PARG: variants seen among roughly 807,000 people sequenced by gnomAD.
PARG encodes mitochondrial poly(ADP-ribose) glycohydrolase.
PARG carries 35 observed loss-of-function variants against 113.0 expected under a neutral mutation model. The ratio of observed to expected loss-of-function variants is 0.31; its 90% CI spans 0.24 to 0.41. The LOEUF is 0.41. PARG is among the 10% of genes least tolerant of loss of function. The pLI is 1.00. For missense variants in PARG, 797 were observed against 1,169.4 expected (o/e 0.68, Z 4.64); for synonymous variants, 330 against 409.9 (o/e 0.81, Z 2.36).
chr10:49,849,473 A>C (rs1239488309), intron 13 of PARG, among the ~76,000 whole-genome samples: 2 of 151,498 alleles, frequency 1.3e-5, no homozygotes, highest in Admixed American at 6.6e-5. Context: ...ATGAAAAGAC[A>C]TGCTAGAAAT....
At chr10:49,912,436 G>A (rs539656884) in intron 7 of PARG, among the ~76,000 whole-genome samples, 234 of 152,166 alleles carry the variant, frequency 1.5e-3, no homozygotes, top group Non-Finnish European at 3.1e-3. Context: ...AGGCCGAGGC[G>A]GGCAGATCAC....
rs1207470554 is a variant in PARG at position 49,933,881 on chromosome 10, C to T, written c.567G>A (p.Arg189=). The T allele has an allele frequency of 6.9e-6, 11 of 1,597,652 alleles. No homozygotes were observed. Among genetic ancestry groups the T allele is most frequent in the South Asian group, 1.1e-5 (1 of 90,758 alleles). The stretch of plus-strand genomic sequence containing the variant: ...CACTGTGATCATCATTTTGAGGTGA[C>T]CGATCAATGTTAGCATTACTAAACT... The part of the protein sequence containing the change: ...PEQFSNANID[R]SPQNDDHSDT... The change falls in exon 3 of 18, where the codon CGG becomes CGA. Residue 189 remains arginine (R), a synonymous_variant. Transcript: ENST00000616448.
intron 7 of PARG, among the ~76,000 whole-genome samples, chr10:49,889,123 T>C (rs1356291849): frequency 1.3e-5 from 2 of 151,672 alleles, no homozygotes; most frequent in Non-Finnish European, 2.9e-5. Flanking sequence ...TGTTTATAAT[T>C]GCTCAGCCTT....
At chr10:49,827,006 C>A (rs1414550481) in intron 16 of PARG, among the ~76,000 whole-genome samples, 1 of 152,200 alleles carries the variant, frequency 6.6e-6, no homozygotes. Flanking sequence ...CAACTCTACC[C>A]TGCTTTTCTC....
intron 6 of PARG, among the ~76,000 whole-genome samples, chr10:49,920,535 T>C (rs1455569373): frequency 2.8e-5 from 4 of 141,678 alleles, no homozygotes; most frequent in African/African-American, 5.2e-5. Flanking sequence ...TACATGTATA[T>C]ATATACACAT....
chr10:49,935,590 T>G (rs1284199921), intron 1 of PARG, among the ~76,000 whole-genome samples: 2 of 152,208 alleles, frequency 1.3e-5, no homozygotes, highest in Non-Finnish European at 2.9e-5. Flanking sequence ...GATTCTTAAT[T>G]ATCATGATTA....
rs188178905 is a variant in PARG, at chr10:49,915,910, C to T, written c.1737+7G>A. On this transcript the variant is annotated splice_region_variant and intron_variant, in intron 7 of 17. Coordinates refer to ENST00000616448, the MANE Select transcript of PARG (RefSeq NM_003631.5). ...ATATTTTCATAAAGAAATAAGGATACTTTTACCTTATCCCAGAAATCGATC... is the reference window on the plus strand; with the variant it reads ...ATATTTTCATAAAGAAATAAGGATATTTTTACCTTATCCCAGAAATCGATC... 2.8e-6 allele frequency: 4 copies of T among 1,429,128 alleles called. No homozygotes were observed. Among genetic ancestry groups the T allele is most frequent in the African/African-American group, 1.4e-5 (1 of 70,750 alleles). The allele number at this position is 1,429,128 out of a possible 1,614,324, so 88.5% of individuals were successfully genotyped here.
At chr10:49,890,045 G>A (rs1467122445) in intron 7 of PARG, among the ~76,000 whole-genome samples, 13 of 152,176 alleles carry the variant, frequency 8.5e-5, no homozygotes, top group Admixed American at 4.6e-4. Flanking sequence ...TTAACTTCAC[G>A]AAAAGCAAGA....
At chr10:49,907,094 C>T (rs1836885891) in intron 7 of PARG, among the ~76,000 whole-genome samples, 1 of 152,132 alleles carries the variant, frequency 6.6e-6, no homozygotes, top group Non-Finnish European at 1.5e-5. Flanking sequence ...GACTTCAATA[C>T]ATATCACTTT....
At chr10:49,886,925 TCTA>T (rs1847520378) in intron 7 of PARG, among the ~76,000 whole-genome samples, 1 of 152,214 alleles carries the variant, frequency 6.6e-6, no homozygotes, top group African/African-American at 2.4e-5. Context: ...TAGATGACAT[TCTA>T]CTATTTTACA....
At chr10:49,924,838 C>T (rs1838070864) in intron 4 of PARG, among the ~76,000 whole-genome samples, 1 of 152,166 alleles carries the variant, frequency 6.6e-6, no homozygotes, top group Admixed American at 6.5e-5. Flanking sequence ...CCCTGCTAAA[C>T]TGTGTCTTGT....
rs202215714 is a variant in PARG, at chr10:49,920,463, AATATATAT to A, written c.1662+1865_1662+1872del. On this transcript the variant is annotated intron_variant, in intron 6 of 17. Transcript: ENST00000616448. The stretch of plus-strand genomic sequence containing the variant: ...CCCAGCCTCAAATTAAAAAAAAAAA[AATATATAT>A]ATATATATATATATATATATATATA... Among the ~76,000 whole-genome samples, 61 of 47,960 alleles carry A rather than the reference AATATATAT, an allele frequency of 1.3e-3. 1 individual carries two copies. Among genetic ancestry groups the A allele is most frequent in the East Asian group, 9.3e-3 (19 of 2,038 alleles). 31.5% of individuals were successfully genotyped at this position (47,960 alleles called of 152,430 possible). A position where few individuals can be genotyped will look rare whatever the true frequency, so the allele number is the denominator to read the frequency against.
intron 16 of PARG, among the ~76,000 whole-genome samples, chr10:49,832,344 A>G (rs11599257): frequency 0.28 from 41,858 of 152,036 alleles, 5,992 homozygotes; most frequent in Non-Finnish European, 0.32. Context: ...TCTCTCATAC[A>G]CTGGACTGTG....
At chr10:49,820,719 T>A (rs1446197553) in intron 16 of PARG, among the ~76,000 whole-genome samples, 1 of 107,504 alleles carries the variant, frequency 9.3e-6, no homozygotes, top group Non-Finnish European at 2.2e-5. Flanking sequence ...CAAGACTCCA[T>A]CTCAAAAAAA....
intron 16 of PARG, among the ~76,000 whole-genome samples, chr10:49,829,128 C>G (rs373738948): frequency 3.6e-4 from 55 of 151,644 alleles, no homozygotes; most frequent in African/African-American, 1.2e-3. Flanking sequence ...CCCAGCCACT[C>G]GGGAGGCTGA....
intron 7 of PARG, among the ~76,000 whole-genome samples, chr10:49,906,647 C>G (rs552369929): frequency 1.3e-5 from 2 of 152,116 alleles, no homozygotes; most frequent in East Asian, 3.9e-4. Context: ...GCATCTAACT[C>G]ATGAGGTGGT....
intron 9 of PARG, among the ~76,000 whole-genome samples, chr10:49,874,407 A>T (rs2132597680): frequency 6.6e-6 from 1 of 152,216 alleles, no homozygotes; most frequent in South Asian, 2.1e-4. Flanking sequence ...ATTCCCATCA[A>T]GCCCAACATG....
chr10:49,892,312 C>G (rs1190898131), intron 7 of PARG, among the ~76,000 whole-genome samples: 3 of 152,112 alleles, frequency 2.0e-5, no homozygotes, highest in Admixed American at 6.5e-5. Flanking sequence ...AGCCCACTGC[C>G]AAGATATCCT....
chr10:49,878,542 C>T (rs1490894266), intron 9 of PARG, among the ~76,000 whole-genome samples: 8 of 145,534 alleles, frequency 5.5e-5, no homozygotes, highest in South Asian at 2.3e-4. Flanking sequence ...CGCTTGAACC[C>T]GGGAGGTGGA....
Sources: gnomAD v4.1 joint callset for allele counts (sites outside exome capture counted in the v4.1 genomes callset) on GRCh38, gnomAD v4.1.1 for gene constraint, MANE v1.5 for transcripts, NCBI Gene and HGNC (gene_info 2026-07-23, HGNC 2026-07-21) for gene names.